Variants in EPHA3 observed in about 807,000 individuals in gnomAD.
The protein encoded by EPHA3 is EPH receptor A3, also known as ephrin type-A receptor 3.
In EPHA3, 42 loss-of-function variants were observed where a neutral mutation model predicts 107.1. That is an observed-to-expected ratio of 0.39 (90% CI 0.31 to 0.51). The LOEUF (loss-of-function observed/expected upper bound fraction) is 0.51. EPHA3 is among the 20% of genes least tolerant of loss of function. EPHA3 has a pLI of 0.78. For synonymous variants in EPHA3, 461 were observed against 424.8 expected (o/e 1.09, Z -1.05); for missense variants, 1,183 against 1,211.2 (o/e 0.98, Z 0.35).
At position 89,413,192 on chromosome 3, in the gene EPHA3, C is replaced by T. The variant is rs1301680905; in HGVS notation, c.1814C>T (p.Pro605Leu). 6.2e-7 allele frequency: 1 copy of T among 1,611,900 alleles called. No homozygotes were observed. Among genetic ancestry groups the T allele is most frequent in the Non-Finnish European group, 8.5e-7 (1 of 1,178,500 alleles). ...TYVDPHTYED[P>L]TQAVHEFAKE... ...GTTGACCCACATACATATGAAGACC[C>T]TACCCAAGCTGTTCATGAGTTTGCC... The change falls in exon 10 of 17, where the codon CCT (proline) becomes CTT (leucine). Residue 605 changes from proline to leucine, a missense_variant. Transcript: ENST00000336596.
At chr3:89,269,972 G>A (rs138526244) in intron 3 of EPHA3, among the ~76,000 whole-genome samples, 2 of 151,852 alleles carry the variant, frequency 1.3e-5, no homozygotes, top group East Asian at 3.9e-4. Context: ...CAAATCACTG[G>A]TCTTTCAGGG....
chr3:89,304,680 T>C (rs1706569409), intron 3 of EPHA3, among the ~76,000 whole-genome samples: 1 of 152,160 alleles, frequency 6.6e-6, no homozygotes, highest in African/African-American at 2.4e-5. Context: ...CCAGTGTATT[T>C]TTCATTTTTC....
chr3:89,472,229 G>C (rs1710415871), intron 15 of EPHA3, among the ~76,000 whole-genome samples: 5 of 152,178 alleles, frequency 3.3e-5, no homozygotes, highest in Non-Finnish European at 7.3e-5. Flanking sequence ...AAAATTTTCA[G>C]TGATTTAAAA....
At position 89,283,643 on chromosome 3, in the gene EPHA3, C is replaced by T. The variant is rs368952534; in HGVS notation, c.815-57273C>T. Among the ~76,000 whole-genome samples the T allele has an allele frequency of 2.0e-5, 3 of 151,950 alleles. No homozygotes were observed. The East Asian group carries it at 5.8e-4, about 29-fold the overall frequency. On this transcript the variant is annotated intron_variant, in intron 3 of 16. Transcript: ENST00000336596. The stretch of plus-strand genomic sequence containing the variant: ...AACTGAAGGACAGGCCAAATTAGGT[C>T]AAAAAGAGAACCCACTTCTATCCAG...
intron 11 of EPHA3, among the ~76,000 whole-genome samples, chr3:89,426,065 G>A (rs1296986472): frequency 6.6e-6 from 1 of 151,676 alleles, no homozygotes; most frequent in Non-Finnish European, 1.5e-5. Context: ...ATTTCAGCAA[G>A]TCATAGAACA....
chr3:89,141,175 A>C (rs1334938378), intron 2 of EPHA3, among the ~76,000 whole-genome samples: 6 of 151,602 alleles, frequency 4.0e-5, no homozygotes, highest in Non-Finnish European at 1.5e-5. Flanking sequence ...GGAAATCTTA[A>C]AGTTTAGTGG....
intron 2 of EPHA3, among the ~76,000 whole-genome samples, chr3:89,206,664 A>T (rs1706115080): frequency 6.6e-6 from 1 of 152,116 alleles, no homozygotes; most frequent in African/African-American, 2.4e-5. Flanking sequence ...GTTTTTTTAT[A>T]TTCAACATAT....
At chr3:89,153,230 GAGA>G (rs1341722765) in intron 2 of EPHA3, among the ~76,000 whole-genome samples, 1 of 152,022 alleles carries the variant, frequency 6.6e-6, no homozygotes, top group East Asian at 1.9e-4. Context: ...ATGAGTCAGA[GAGA>G]AGATGAGAAT....
chr3:89,177,723 A>T (rs1243760257), intron 2 of EPHA3, among the ~76,000 whole-genome samples: 3 of 152,192 alleles, frequency 2.0e-5, no homozygotes, highest in Admixed American at 6.5e-5. Flanking sequence ...TGTTTTATCA[A>T]ATCACTCTGT....
chr3:89,134,775 C>T (rs944156693), intron 2 of EPHA3, among the ~76,000 whole-genome samples: 4 of 152,110 alleles, frequency 2.6e-5, no homozygotes, highest in Non-Finnish European at 5.9e-5. Flanking sequence ...AGTTCCTGAG[C>T]CAAATGGGTT....
At chr3:89,181,744 G>A (rs1705447103) in intron 2 of EPHA3, among the ~76,000 whole-genome samples, 1 of 151,948 alleles carries the variant, frequency 6.6e-6, no homozygotes, top group South Asian at 2.1e-4. Context: ...CTTTAAGATT[G>A]TGGCAGCAGA....
chr3:89,321,312 C>T lies in EPHA3; in HGVS notation c.815-19604C>T, dbSNP rs181597663. ...AAGACACTAGCCAGCTAAACAGTGCCGATCAGAAGTAATATACAGATCTGC... is the reference window on the plus strand; with the variant it reads ...AAGACACTAGCCAGCTAAACAGTGCTGATCAGAAGTAATATACAGATCTGC... On this transcript the variant is annotated intron_variant, in intron 3 of 16. Coordinates refer to ENST00000336596, the MANE Select transcript of EPHA3 (RefSeq NM_005233.6). 4.1e-4 allele frequency among the ~76,000 whole-genome samples: 62 copies of T among 151,246 alleles called. 1 individual carries two copies. Among genetic ancestry groups the T allele is most frequent in the African/African-American group, 1.5e-3 (60 of 40,756 alleles).
intron 1 of EPHA3, among the ~76,000 whole-genome samples, chr3:89,122,718 T>G (rs1161634332): frequency 6.6e-6 from 1 of 152,216 alleles, no homozygotes; most frequent in Non-Finnish European, 1.5e-5. Flanking sequence ...GTGTTAATAA[T>G]TCTCTAAAAA....
At chr3:89,443,744 G>T (rs1247633823) in intron 13 of EPHA3, among the ~76,000 whole-genome samples, 1 of 152,042 alleles carries the variant, frequency 6.6e-6, no homozygotes, top group Non-Finnish European at 1.5e-5. Context: ...GTGGTGAAGG[G>T]GGCCAGGTGG....
intron 3 of EPHA3, among the ~76,000 whole-genome samples, chr3:89,219,957 C>T (rs1175234641): frequency 6.6e-6 from 1 of 151,226 alleles, no homozygotes; most frequent in East Asian, 2.0e-4. Flanking sequence ...ATCCGCCCGC[C>T]TCGGCCTCCC....
intron 11 of EPHA3, among the ~76,000 whole-genome samples, chr3:89,423,751 T>A (rs763027614): frequency 2.0e-5 from 3 of 151,546 alleles, no homozygotes; most frequent in Middle Eastern, 3.2e-3. Flanking sequence ...TGTCCACTTA[T>A]GTCCCTTGGA....
chr3:89,357,060 A>C (rs1707975688), intron 5 of EPHA3, among the ~76,000 whole-genome samples: 1 of 130,236 alleles, frequency 7.7e-6, no homozygotes, highest in African/African-American at 2.8e-5. Flanking sequence ...GTGAGCCGAG[A>C]CTGCACCACT....
chr3:89,219,179 T>TC lies in EPHA3; in HGVS notation c.814+8660dup, dbSNP rs573279742. Among the ~76,000 whole-genome samples, 58 of 152,182 alleles carry TC rather than the reference T, an allele frequency of 3.8e-4. No homozygotes were observed. In the East Asian group the frequency reaches 0.01, roughly 27 times the overall value. On this transcript the variant is annotated intron_variant, in intron 3 of 16. Transcript: ENST00000336596. The stretch of plus-strand genomic sequence containing the variant: ...TTTCACAACAACATTTTTTTTTTTT[T>TC]CGAGATGGAGTTTTGCTCTTGTTGC...
chr3:89,420,256 C>A (rs111548162), intron 11 of EPHA3, among the ~76,000 whole-genome samples: 1 of 151,456 alleles, frequency 6.6e-6, no homozygotes, highest in Non-Finnish European at 1.5e-5. Context: ...CATACTCTAT[C>A]GTTACCAACA....
Sources: gnomAD v4.1 joint callset for allele counts (sites outside exome capture counted in the v4.1 genomes callset) on GRCh38, gnomAD v4.1.1 for gene constraint, MANE v1.5 for transcripts, NCBI Gene and HGNC (gene_info 2026-07-23, HGNC 2026-07-21) for gene names.